The following NKAIN2 variants were observed in gnomAD, a reference collection of about 807,000 sequenced individuals.
NKAIN2 encodes the protein sodium/potassium transporting ATPase interacting 2, also known as sodium/potassium-transporting ATPase subunit beta-1-interacting protein 2.
A neutral mutation model predicts 32.6 loss-of-function variants in NKAIN2; 14 were observed. That is an observed-to-expected ratio of 0.43 (90% confidence interval 0.28 to 0.67). NKAIN2 has a LOEUF of 0.67. Among genes scored for constraint, NKAIN2 ranks in the 30% least tolerant of loss-of-function variants. NKAIN2 has a pLI of 0.17. For missense variants in NKAIN2, 198 were observed against 258.3 expected, an observed-to-expected ratio of 0.77 and a Z score of 1.60; for synonymous variants, 80 against 87.2, an observed-to-expected ratio of 0.92 and a Z score of 0.46.
intron 1 of NKAIN2, among the ~76,000 whole-genome samples, chr6:124,085,157 A>C (rs1784137261): frequency 6.6e-6 from 1 of 152,094 alleles, no homozygotes; most frequent in African/African-American, 2.4e-5. Flanking sequence ...GATTTTGATT[A>C]CATCTCAGCA....
intron 1 of NKAIN2, among the ~76,000 whole-genome samples, chr6:123,959,925 A>ATGTGTGTG (rs6149793): frequency 7.8e-4 from 110 of 141,360 alleles, no homozygotes; most frequent in Admixed American, 5.1e-3. Flanking sequence ...TCTTCCATAT[A>ATGTGTGTG]TGTGTGTGTG....
At chr6:124,566,457 G>A (rs1323245962) in intron 3 of NKAIN2, among the ~76,000 whole-genome samples, 3 of 152,134 alleles carry the variant, frequency 2.0e-5, no homozygotes, top group Non-Finnish European at 4.4e-5. Flanking sequence ...TTGGATACAT[G>A]AGTCAGTGAA....
chr6:123,842,210 A>G (rs2114937058), intron 1 of NKAIN2, among the ~76,000 whole-genome samples: 1 of 152,300 alleles, frequency 6.6e-6, no homozygotes, highest in Non-Finnish European at 1.5e-5. Context: ...TGGGCTGCCA[A>G]AACAAAATAC....
chr6:124,763,156 G>A (rs1401059299), intron 4 of NKAIN2, among the ~76,000 whole-genome samples: 1 of 152,174 alleles, frequency 6.6e-6, no homozygotes, highest in Non-Finnish European at 1.5e-5. Flanking sequence ...TGATTGGGGA[G>A]CTGTTTAGCC....
intron 1 of NKAIN2, among the ~76,000 whole-genome samples, chr6:124,225,151 T>C (rs561502149): frequency 6.6e-5 from 10 of 152,070 alleles, no homozygotes; most frequent in Non-Finnish European, 1.2e-4. Flanking sequence ...TAATAAGATA[T>C]TCAACAAAAA....
At chr6:123,931,898 A>G (rs1776267637) in intron 1 of NKAIN2, among the ~76,000 whole-genome samples, 1 of 152,058 alleles carries the variant, frequency 6.6e-6, no homozygotes, top group South Asian at 2.1e-4. Context: ...CACCCACTCA[A>G]TCTTGAAACT....
intron 3 of NKAIN2, among the ~76,000 whole-genome samples, chr6:124,481,170 CTT>C (rs5879741): frequency 0.23 from 31,272 of 136,364 alleles, 3,578 homozygotes; most frequent in East Asian, 0.33. Context: ...GTTAGAGTTA[CTT>C]TTTTTTTTTT....
intron 3 of NKAIN2, among the ~76,000 whole-genome samples, chr6:124,545,984 A>G (rs1462020747): frequency 6.6e-6 from 1 of 152,064 alleles, no homozygotes; most frequent in Non-Finnish European, 1.5e-5. Context: ...TTAATGTTTT[A>G]TTTTGAACAA....
At chr6:124,149,369 A>G (rs1227531102) in intron 1 of NKAIN2, among the ~76,000 whole-genome samples, 1 of 152,222 alleles carries the variant, frequency 6.6e-6, no homozygotes, top group Non-Finnish European at 1.5e-5. Context: ...AACCAAGATC[A>G]CAAAGATTTG....
At chr6:124,585,594 T>C (rs1365868951) in intron 3 of NKAIN2, among the ~76,000 whole-genome samples, 1 of 152,198 alleles carries the variant, frequency 6.6e-6, no homozygotes, top group Non-Finnish European at 1.5e-5. Context: ...AGATTGAAAA[T>C]GTTTTTAAAT....
chr6:124,279,370 G>A (rs902086764), intron 1 of NKAIN2, among the ~76,000 whole-genome samples: 1 of 151,932 alleles, frequency 6.6e-6, no homozygotes, highest in African/African-American at 2.4e-5. Context: ...AGCCAGGTGT[G>A]GTGGCGGGCA....
At chr6:124,321,271 A>G (rs1797176077) in intron 2 of NKAIN2, among the ~76,000 whole-genome samples, 1 of 152,000 alleles carries the variant, frequency 6.6e-6, no homozygotes, top group African/African-American at 2.4e-5. Flanking sequence ...ACTTATATAA[A>G]CTTTTGGATA....
At chr6:124,570,700 G>T (rs1466024698) in intron 3 of NKAIN2, among the ~76,000 whole-genome samples, 2 of 152,238 alleles carry the variant, frequency 1.3e-5, no homozygotes, top group Admixed American at 1.3e-4. Flanking sequence ...CAGGGGCAGG[G>T]CCCTCATGGA....
chr6:123,864,453 C>T (rs555392632), intron 1 of NKAIN2, among the ~76,000 whole-genome samples: 2 of 152,180 alleles, frequency 1.3e-5, no homozygotes, highest in African/African-American at 2.4e-5. Flanking sequence ...GTGAACAAAA[C>T]TGAGTCCCTA....
intron 6 of NKAIN2, among the ~76,000 whole-genome samples, chr6:124,819,867 A>T (rs1269908965): frequency 6.6e-6 from 1 of 152,162 alleles, no homozygotes; most frequent in Non-Finnish European, 1.5e-5. Flanking sequence ...TTGAGAGCAT[A>T]AACAGTCTGA....
intron 1 of NKAIN2, among the ~76,000 whole-genome samples, chr6:124,007,687 C>T (rs1780132795): frequency 6.6e-6 from 1 of 152,208 alleles, no homozygotes; most frequent in Non-Finnish European, 1.5e-5. Context: ...AATGTTATTA[C>T]ATGCGGATCT....
intron 3 of NKAIN2, among the ~76,000 whole-genome samples, chr6:124,548,559 A>G (rs544956692): frequency 6.6e-6 from 1 of 152,290 alleles, no homozygotes; most frequent in African/African-American, 2.4e-5. Context: ...TCCTTCAGGC[A>G]AGCGAAGAGT....
At chr6:124,016,501 A>G (rs1780580395) in intron 1 of NKAIN2, among the ~76,000 whole-genome samples, 1 of 152,200 alleles carries the variant, frequency 6.6e-6, no homozygotes, top group Non-Finnish European at 1.5e-5. Flanking sequence ...TAGTTTGAAG[A>G]AGCTAAAATT....
chr6:124,529,374 G>T (rs186493180), intron 3 of NKAIN2, among the ~76,000 whole-genome samples: 173 of 152,266 alleles, frequency 1.1e-3, no homozygotes, highest in African/African-American at 3.6e-3. Context: ...CACTTAGGCA[G>T]ATTTTCTCTT....
Sources: gnomAD v4.1 joint callset for allele counts (sites outside exome capture counted in the v4.1 genomes callset) on GRCh38, gnomAD v4.1.1 for gene constraint, MANE v1.5 for transcripts, NCBI Gene and HGNC (gene_info 2026-07-23, HGNC 2026-07-21) for gene names.